The following IPCEF1 variants were observed in gnomAD, a reference collection of about 807,000 sequenced individuals.
IPCEF1 encodes interactor protein for cytohesin exchange factors 1.
Under a neutral mutation model 50.9 loss-of-function variants are expected in IPCEF1, and 31 were observed. The observed-to-expected ratio is 0.61, with a 90% CI of 0.46 to 0.82. The LOEUF is 0.82. Ranked by LOEUF, IPCEF1 falls within the 40% of genes least tolerant of loss-of-function variation. IPCEF1 has a pLI of 0.00. For synonymous variants in IPCEF1, 181 were observed against 192.0 expected (o/e 0.94, Z 0.47); for missense variants, 458 against 514.0 (o/e 0.89, Z 1.05).
At chr6:154,181,485 C>T (rs768214911) in intron 10 of IPCEF1, among the ~76,000 whole-genome samples, 1 of 152,214 alleles carries the variant, frequency 6.6e-6, no homozygotes, top group South Asian at 2.1e-4. Flanking sequence ...TTTAAATTTA[C>T]ATAGCTATAC....
intron 1 of IPCEF1, among the ~76,000 whole-genome samples, chr6:154,299,940 T>C (rs1782751197): frequency 7.2e-6 from 1 of 139,668 alleles, no homozygotes; most frequent in South Asian, 2.2e-4. Flanking sequence ...TTTGCAAAAA[T>C]TTAGCAATTC....
At chr6:154,272,583 GA>G (rs1781925604) in intron 2 of IPCEF1, among the ~76,000 whole-genome samples, 2 of 152,204 alleles carry the variant, frequency 1.3e-5, no homozygotes, top group South Asian at 4.1e-4. Flanking sequence ...CTCTGTAACT[GA>G]AAACTAGAAA....
chr6:154,321,778 TAAAAAAAA>T (rs61648946), intron 1 of IPCEF1, among the ~76,000 whole-genome samples: 5,475 of 51,952 alleles, frequency 0.11, 465 homozygotes, highest in African/African-American at 0.28. Flanking sequence ...AGACTCTTTC[TAAAAAAAA>T]AAAAAAAAAA....
chr6:154,183,200 C>A (rs572578416), intron 10 of IPCEF1, among the ~76,000 whole-genome samples: 18 of 152,094 alleles, frequency 1.2e-4, no homozygotes, highest in African/African-American at 4.1e-4. Flanking sequence ...AGGATGGTCT[C>A]GATCTCCTGA....
At chr6:154,351,102 T>A (rs1350824581) in intron 1 of IPCEF1, among the ~76,000 whole-genome samples, 8 of 152,250 alleles carry the variant, frequency 5.3e-5, no homozygotes, top group Non-Finnish European at 1.5e-5. Flanking sequence ...AGCGCAAAAC[T>A]ATCATATACT....
At chr6:154,257,328 T>C (rs1781486232) in intron 3 of IPCEF1, among the ~76,000 whole-genome samples, 1 of 152,194 alleles carries the variant, frequency 6.6e-6, no homozygotes, top group African/African-American at 2.4e-5. Flanking sequence ...TAGCGGAACA[T>C]TTTTTACACC....
chr6:154,296,600 A>C (rs376762411), intron 1 of IPCEF1, among the ~76,000 whole-genome samples: 70 of 152,068 alleles, frequency 4.6e-4, no homozygotes, highest in African/African-American at 1.5e-3. Context: ...GAGGCCGAGG[A>C]GGGCAGATCA....
chr6:154,199,020 A>AG (rs1358505302), intron 10 of IPCEF1, among the ~76,000 whole-genome samples: 1 of 152,262 alleles, frequency 6.6e-6, no homozygotes, highest in East Asian at 1.9e-4. Context: ...ATAAAAGACA[A>AG]GGACCAGTTA....
chr6:154,343,190 G>T (rs1046199279), intron 1 of IPCEF1, among the ~76,000 whole-genome samples: 2 of 152,118 alleles, frequency 1.3e-5, no homozygotes, highest in Admixed American at 6.5e-5. Flanking sequence ...CCCTAAAGCT[G>T]GCCTAATAAG....
chr6:154,243,657 C>T (rs1361396988), intron 5 of IPCEF1, among the ~76,000 whole-genome samples: 1 of 152,152 alleles, frequency 6.6e-6, no homozygotes, highest in Non-Finnish European at 1.5e-5. Flanking sequence ...TCTCAGAACC[C>T]GTTGAAGGCA....
intron 2 of IPCEF1, among the ~76,000 whole-genome samples, chr6:154,282,536 A>C (rs1178476043): frequency 6.6e-6 from 1 of 152,016 alleles, no homozygotes; most frequent in East Asian, 1.9e-4. Flanking sequence ...CACACAAAAA[A>C]ATTAGGCGGG....
intron 10 of IPCEF1, among the ~76,000 whole-genome samples, chr6:154,185,870 G>C (rs1302714588): frequency 6.6e-6 from 1 of 152,210 alleles, no homozygotes; most frequent in Non-Finnish European, 1.5e-5. Flanking sequence ...CCACAAGTTG[G>C]ATAAGCTTGT....
intron 1 of IPCEF1, among the ~76,000 whole-genome samples, chr6:154,295,091 G>A (rs569396927): frequency 6.6e-6 from 1 of 152,048 alleles, no homozygotes; most frequent in East Asian, 1.9e-4. Flanking sequence ...CCAGCTACTC[G>A]GGAAGCTGAG....
intron 1 of IPCEF1, among the ~76,000 whole-genome samples, chr6:154,335,534 T>C (rs1055433538): frequency 1.3e-5 from 2 of 151,582 alleles, no homozygotes; most frequent in African/African-American, 4.8e-5. Context: ...AACAACAGAG[T>C]GAAGATACAA....
At position 154,313,887 on chromosome 6, in the gene IPCEF1, G is replaced by A. The variant is rs557715212; in HGVS notation, c.-61-24131C>T. Among the ~76,000 whole-genome samples, 7 of 152,098 alleles carry A rather than the reference G, an allele frequency of 4.6e-5. No individual in the cohort carries two copies. In the East Asian group the frequency reaches 1.2e-3, roughly 25 times the overall value. ...GCCTCCCAAGTAGCTGAGACTACAG[G>A]TGTGTGCCACCACACCTGGCTAATT... On this transcript the variant is annotated intron_variant, in intron 1 of 11. Coordinates refer to ENST00000367220, the MANE Select transcript of IPCEF1 (RefSeq NM_001130700.2).
chr6:154,200,518 T>C (rs7743670), intron 9 of IPCEF1, among the ~76,000 whole-genome samples: 36,185 of 151,906 alleles, frequency 0.24, 5,070 homozygotes, highest in East Asian at 0.61. Flanking sequence ...GCCGGGAGTT[T>C]GAGACCAGCC....
chr6:154,288,871 T>C (rs565383186), intron 2 of IPCEF1, among the ~76,000 whole-genome samples: 39 of 152,082 alleles, frequency 2.6e-4, no homozygotes, highest in Admixed American at 1.7e-3. Flanking sequence ...AGAGATCAGC[T>C]TGGGCAACAT....
At chr6:154,321,278 T>C (rs1368091436) in intron 1 of IPCEF1, among the ~76,000 whole-genome samples, 1 of 152,118 alleles carries the variant, frequency 6.6e-6, no homozygotes, top group African/African-American at 2.4e-5. Context: ...ATATTACCTT[T>C]GAATAGTAAT....
At position 154,345,117 on chromosome 6, in the gene IPCEF1, G is replaced by C. The variant is rs573882600; in HGVS notation, c.-62+11555C>G. Among the ~76,000 whole-genome samples the C allele has an allele frequency of 1.3e-3, 193 of 152,310 alleles. 1 individual carries two copies. The highest frequency in any genetic ancestry group is 3.7e-3 in the African/African-American group (155 of 41,566). ...ACTCCTGACCACAGGTGATCCACCC[G>C]CCTTGGCCTCCCAAAGTGCTGGGAT... On this transcript the variant is annotated intron_variant, in intron 1 of 11. Coordinates refer to ENST00000367220, the MANE Select transcript of IPCEF1 (RefSeq NM_001130700.2).
Sources: allele counts gnomAD v4.1 joint callset (sites outside exome capture counted in the v4.1 genomes callset), GRCh38; gene constraint gnomAD v4.1.1; transcripts MANE v1.5; gene names NCBI Gene and HGNC (gene_info 2026-07-23, HGNC 2026-07-21).